Variants in SQOR observed in about 807,000 individuals in gnomAD.
SQOR encodes sulfide:quinone oxidoreductase, mitochondrial.
In SQOR, 39 loss-of-function variants were observed where a neutral mutation model predicts 48.6. The observed-to-expected ratio is 0.80, with a 90% CI of 0.62 to 1.05. SQOR has a LOEUF of 1.05. SQOR is among the 50% of genes least tolerant of loss of function. The pLI, the probability that SQOR is intolerant of heterozygous loss-of-function variation, is 0.00. For missense variants in SQOR, 561 were observed against 559.9 expected, an observed-to-expected ratio of 1.00 and a Z score of -0.02; for synonymous variants, 220 against 206.2, an observed-to-expected ratio of 1.07 and a Z score of -0.57.
intron 1 of SQOR, among the ~76,000 whole-genome samples, chr15:45,651,422 C>T (rs886480862): frequency 1.3e-5 from 2 of 152,212 alleles, no homozygotes; most frequent in Non-Finnish European, 2.9e-5. Flanking sequence ...GGAGCTGGCT[C>T]TGGCCCCTGC....
chr15:45,682,835 C>G (rs544934436), intron 7 of SQOR, among the ~76,000 whole-genome samples, 174 bp downstream of exon 7: 2 of 152,124 alleles, frequency 1.3e-5, no homozygotes, highest in Admixed American at 1.3e-4. Context: ...TGAGACCAGC[C>G]TGGCCAACAT....
chr15:45,686,662 A>G (rs941739590), intron 7 of SQOR, among the ~76,000 whole-genome samples: 3 of 152,182 alleles, frequency 2.0e-5, no homozygotes, highest in Admixed American at 2.0e-4. Flanking sequence ...AAGGCCTGCA[A>G]TTTTTCTTAC....
intron 1 of SQOR, among the ~76,000 whole-genome samples, chr15:45,637,662 C>T (rs558423382): frequency 2.0e-5 from 3 of 152,092 alleles, no homozygotes; most frequent in South Asian, 2.1e-4. Context: ...TCTGTGTGTG[C>T]GTGTCTGTGT....
chr15:45,675,395 G>T (rs147638581), intron 5 of SQOR, among the ~76,000 whole-genome samples: 1,950 of 144,380 alleles, frequency 0.014, 19 homozygotes, highest in Non-Finnish European at 0.022. Context: ...TTTTTAGTTT[G>T]TTTATTTTTT....
chr15:45,658,796 G>A (rs1889663204), intron 1 of SQOR, 111 bp from the exon 2 acceptor site: 1 of 830,444 alleles, frequency 1.2e-6, no homozygotes, highest in South Asian at 2.0e-5. Flanking sequence ...AGATGATGGG[G>A]ACCAGCTGGA....
At chr15:45,635,996 A>G (rs1894997504) in intron 1 of SQOR, among the ~76,000 whole-genome samples, 1 of 151,926 alleles carries the variant, frequency 6.6e-6, no homozygotes, top group South Asian at 2.1e-4. Context: ...ACACCTGGCT[A>G]ATTTTAGTAT....
chr15:45,669,831 C>A (rs895427189), intron 3 of SQOR, 97 bp from the exon 4 acceptor site: 2 of 1,015,542 alleles, frequency 2.0e-6, no homozygotes, highest in South Asian at 2.6e-5. Flanking sequence ...TTCCCTGCCT[C>A]CCTTAGACCA....
At chr15:45,665,860 A>C (rs1045641833) in intron 3 of SQOR, among the ~76,000 whole-genome samples, 3 of 152,236 alleles carry the variant, frequency 2.0e-5, no homozygotes, top group Non-Finnish European at 4.4e-5. Context: ...TTGGGATTAC[A>C]GGTGTGAGCC....
At chr15:45,634,048 C>T (rs1426095021), upstream of SQOR, among the ~76,000 whole-genome samples, 8 of 149,768 alleles carry the variant, frequency 5.3e-5, no homozygotes. Context: ...TGGTGGCACA[C>T]ACCTGTAGTC....
Position 45,661,966 on chromosome 15 carries a change from C to G in SQOR, c.246C>G (p.Tyr82Ter). 1.9e-6 allele frequency: 3 copies of G among 1,613,868 alleles called. No individual in the cohort carries two copies. The highest frequency in any genetic ancestry group is 2.5e-6 in the Non-Finnish European group (3 of 1,179,888). The change falls in exon 3 of 10, where the codon TAC becomes TAG. Residue 82 changes from tyrosine (Y) to a stop codon, truncating the protein, a stop_gained. Coordinates refer to ENST00000260324, the MANE Select transcript of SQOR (RefSeq NM_021199.4). LOFTEE classifies it high-confidence loss of function. The stretch of plus-strand genomic sequence containing the variant: ...ACTTTGTTTCTCAGAGACATTTCTA[C>G]CAGCCAATCTGGACACTGGTGGGTG... The part of the protein sequence containing the change: ...AIVEPSERHF[Y>*]QPIWTLVGAG...
At chr15:45,632,423 T>C (rs1894914332), upstream of SQOR, among the ~76,000 whole-genome samples, 1 of 152,016 alleles carries the variant, frequency 6.6e-6, no homozygotes, top group Non-Finnish European at 1.5e-5. Context: ...GGTTTCATCA[T>C]GCTGGCCAGG....
At chr15:45,664,278 G>T (rs1317958215) in intron 3 of SQOR, among the ~76,000 whole-genome samples, 2 of 152,092 alleles carry the variant, frequency 1.3e-5, no homozygotes, top group Non-Finnish European at 2.9e-5. Context: ...GGATGTTATT[G>T]TTTTTAATAC....
At chr15:45,674,762 C>G (rs1329738195) in intron 5 of SQOR, among the ~76,000 whole-genome samples, 1 of 152,226 alleles carries the variant, frequency 6.6e-6, no homozygotes, top group Admixed American at 6.5e-5. Flanking sequence ...AGCTCAAGTA[C>G]ACCTGGCTTA....
At chr15:45,632,742 A>G (rs117898647), upstream of SQOR, among the ~76,000 whole-genome samples, 2 of 152,156 alleles carry the variant, frequency 1.3e-5, no homozygotes, top group Admixed American at 6.5e-5. Flanking sequence ...GAGAGAGTCT[A>G]TTGGCATTTA....
At chr15:45,657,379 T>G (rs950423591) in intron 1 of SQOR, among the ~76,000 whole-genome samples, 7 of 152,162 alleles carry the variant, frequency 4.6e-5, no homozygotes, top group African/African-American at 1.7e-4. Context: ...TGGTTTTTCT[T>G]CTTCAGTATT....
chr15:45,686,530 T>G (rs528664710), intron 7 of SQOR, among the ~76,000 whole-genome samples: 2 of 152,330 alleles, frequency 1.3e-5, no homozygotes, highest in South Asian at 2.1e-4. Context: ...AATCATTGCT[T>G]CTTTGATTTG....
chr15:45,655,192 T>C (rs1047553278), intron 1 of SQOR, among the ~76,000 whole-genome samples: 1 of 152,318 alleles, frequency 6.6e-6, no homozygotes, highest in African/African-American at 2.4e-5. Context: ...GGAGGCCAAA[T>C]AACCTCAGAC....
chr15:45,661,998 C>T lies in SQOR; in HGVS notation c.278C>T (p.Ala93Val). The T allele has an allele frequency of 1.2e-6, 2 of 1,614,136 alleles. No individual in the cohort carries two copies. Among genetic ancestry groups the T allele is most frequent in the Non-Finnish European group, 1.7e-6 (2 of 1,180,014 alleles). Reference sequence around the variant, plus strand: ...ATCTGGACACTGGTGGGTGCTGGTGCCAAACAATTGTCCTCATCTGGTCGT... The same window carrying T: ...ATCTGGACACTGGTGGGTGCTGGTGTCAAACAATTGTCCTCATCTGGTCGT... ...QPIWTLVGAGAKQLSSSGRPT... is the reference protein window; with the variant it reads ...QPIWTLVGAGVKQLSSSGRPT... Residue 93 changes from alanine to valine, a missense_variant, in exon 3 of 10, where the codon GCC becomes GTC. Transcript: ENST00000260324.
At chr15:45,651,880 T>A (rs1019287946) in intron 1 of SQOR, among the ~76,000 whole-genome samples, 1 of 151,976 alleles carries the variant, frequency 6.6e-6, no homozygotes, top group Non-Finnish European at 1.5e-5. Flanking sequence ...TCCTTCTCCT[T>A]CTTCTTCTTC....
Sources: allele counts gnomAD v4.1 joint callset (sites outside exome capture counted in the v4.1 genomes callset), GRCh38; gene constraint gnomAD v4.1.1; transcripts MANE v1.5; gene names NCBI Gene and HGNC (gene_info 2026-07-23, HGNC 2026-07-21).